NDUFAF5: variants seen among roughly 807,000 people sequenced by gnomAD.
NDUFAF5 encodes the protein arginine-hydroxylase NDUFAF5, mitochondrial.
Under a neutral mutation model 48.9 loss-of-function variants are expected in NDUFAF5, and 34 were observed. The observed-to-expected ratio is 0.70, with a 90% CI of 0.53 to 0.93. NDUFAF5 has a LOEUF of 0.93. NDUFAF5 is among the 40% of genes least tolerant of loss of function. The pLI, the probability that NDUFAF5 is intolerant of heterozygous loss-of-function variation, is 0.00. For missense variants in NDUFAF5, 428 were observed against 427.5 expected (o/e 1.00, Z -0.01); for synonymous variants, 153 against 150.6 (o/e 1.02, Z -0.12).
chr20:13,802,761 G>A (rs576632354), intron 7 of NDUFAF5, among the ~76,000 whole-genome samples: 2 of 151,384 alleles, frequency 1.3e-5, no homozygotes, highest in Non-Finnish European at 2.9e-5. Context: ...TAGATGCTCA[G>A]CTTACATTAG....
At chr20:13,803,009 A>G (rs1201428254) in intron 7 of NDUFAF5, 1 of 152,218 alleles carries the variant, frequency 6.6e-6, no homozygotes, top group Non-Finnish European at 1.5e-5. Context: ...GAATTTCTTG[A>G]TGAAGAAAGC....
rs1316791653 is a variant in NDUFAF5, at chr20:13,785,085, G to A, written c.17G>A (p.Gly6Glu). ...CAGCTGGAGATGCTGCGGCCGGCAG[G>A]GCTCTGGCGCTTATGTCGGCGACCT... The part of the protein sequence containing the change: MLRPA[G>E]LWRLCRRPWA... The change falls in exon 1 of 11, where the codon GGG becomes GAG. Residue 6 changes from glycine to glutamate, a missense_variant. Transcript: ENST00000378106. The A allele has an allele frequency of 2.5e-6, 4 of 1,612,272 alleles. No homozygotes were observed. The highest frequency in any genetic ancestry group is 1.1e-5 in the South Asian group (1 of 91,000).
At chr20:13,806,412 G>A (rs1985012641) in intron 7 of NDUFAF5, among the ~76,000 whole-genome samples, 1 of 152,168 alleles carries the variant, frequency 6.6e-6, no homozygotes, top group Admixed American at 6.5e-5. Flanking sequence ...GGGAGGCTGA[G>A]GCAGTAGAAT....
At chr20:13,813,728 G>A (rs942704419) in intron 8 of NDUFAF5, among the ~76,000 whole-genome samples, 4 of 152,142 alleles carry the variant, frequency 2.6e-5, no homozygotes, top group Non-Finnish European at 5.9e-5. Context: ...GAGTTTGCCC[G>A]GAGAATGAAA....
rs778855422 is a variant in NDUFAF5 at position 13,820,872 on chromosome 20, A to G, written c.*3662A>G. 2.6e-5 allele frequency: 4 copies of G among 152,214 alleles called. No individual in the cohort carries two copies. Among genetic ancestry groups the G allele is most frequent in the Non-Finnish European group, 5.9e-5 (4 of 68,032 alleles). The allele number at this position is 152,214 out of a possible 1,614,324, so 9.4% of individuals were successfully genotyped here. On this transcript the variant is annotated 3_prime_UTR_variant, in exon 11 of 11. Transcript: ENST00000378106. ...TTATTCTGTTCCTTTGTAAGTTACC[A>G]TTAGCCTCTCTTGCTTAAGAAATAT...
chr20:13,801,779 A>G (rs946705555), intron 7 of NDUFAF5, 96 bp downstream of exon 7: 3 of 1,054,664 alleles, frequency 2.8e-6, no homozygotes, highest in African/African-American at 1.6e-5. Flanking sequence ...TCATGGTTTC[A>G]TGGCACTCTT....
intron 4 of NDUFAF5, 63 bp downstream of exon 4, chr20:13,793,290 C>A (rs1342139089): frequency 4.0e-5 from 54 of 1,347,594 alleles, no homozygotes; most frequent in Middle Eastern, 3.6e-4. Context: ...TATTTTATTT[C>A]TTTATTTTTA....
At chr20:13,812,669 C>T (rs1182845901) in intron 8 of NDUFAF5, among the ~76,000 whole-genome samples, 1 of 152,042 alleles carries the variant, frequency 6.6e-6, no homozygotes, top group East Asian at 1.9e-4. Context: ...CTAATTTTAC[C>T]GGTGAGCAAA....
At chr20:13,794,986 T>C (rs1982959265) in intron 5 of NDUFAF5, 45 bp downstream of exon 5, 1 of 1,360,092 alleles carries the variant, frequency 7.4e-7, no homozygotes, top group Non-Finnish European at 1.0e-6. Context: ...AAACAGATCA[T>C]TCTTGCCATA....
At position 13,821,503 on chromosome 20, in the gene NDUFAF5, T is replaced by A. The variant is rs560388170; in HGVS notation, c.*4293T>A. The A allele has an allele frequency of 2.0e-5, 3 of 152,342 alleles. No homozygotes were observed. The South Asian group carries it at 6.2e-4, about 32-fold the overall frequency. 9.4% of individuals were successfully genotyped at this position (152,342 alleles called of 1,614,324 possible). A position where few individuals can be genotyped will look rare whatever the true frequency, so the allele number is the denominator to read the frequency against. ...TTGACCACAACCTCATGAGAGACCC[T>A]GAGCTAGAACCACCTAGCTAAGCCA... On this transcript the variant is annotated 3_prime_UTR_variant, in exon 11 of 11. Transcript: ENST00000378106.
rs917532460 is a variant in NDUFAF5, at chr20:13,820,910, T to G, written c.*3700T>G. ...GCTTAAGAAATATTTTGAGCTTTTT[T>G]GGGGAGGGGTTGTGGTTAATGATGT... On this transcript the variant is annotated 3_prime_UTR_variant, in exon 11 of 11. Coordinates refer to ENST00000378106, the MANE Select transcript of NDUFAF5 (RefSeq NM_024120.5). 18 of 152,222 alleles carry G rather than the reference T, an allele frequency of 1.2e-4. No individual in the cohort carries two copies. Among genetic ancestry groups the G allele is most frequent in the Admixed American group, 4.6e-4 (7 of 15,276 alleles). The allele number at this position is 152,222 out of a possible 1,614,324, so 9.4% of individuals were successfully genotyped here.
intron 5 of NDUFAF5, among the ~76,000 whole-genome samples, chr20:13,796,387 C>T (rs1213249482): frequency 6.6e-6 from 1 of 152,184 alleles, no homozygotes; most frequent in Non-Finnish European, 1.5e-5. Context: ...TATGTTAGCT[C>T]ATCTGCTTGC....
chr20:13,785,881 T>C (rs568900833), intron 1 of NDUFAF5, among the ~76,000 whole-genome samples: 2 of 152,344 alleles, frequency 1.3e-5, no homozygotes, highest in Admixed American at 6.5e-5. Context: ...TTAAAATTTC[T>C]CTCGTTTTTA....
chr20:13,785,998 T>C (rs1360479639), intron 1 of NDUFAF5, among the ~76,000 whole-genome samples: 1 of 152,188 alleles, frequency 6.6e-6, no homozygotes, highest in Non-Finnish European at 1.5e-5. Context: ...TTTTAATCAG[T>C]GGAGTGATCT....
chr20:13,793,982 G>A (rs1600334649), intron 4 of NDUFAF5, among the ~76,000 whole-genome samples: 1 of 152,232 alleles, frequency 6.6e-6, no homozygotes, highest in African/African-American at 2.4e-5. Flanking sequence ...CCTGCACCTT[G>A]TCCTCTTTAG....
rs549026911 is a variant in NDUFAF5, at chr20:13,817,597, T to C, written c.*387T>C. On this transcript the variant is annotated 3_prime_UTR_variant, in exon 11 of 11. Coordinates refer to ENST00000378106, the MANE Select transcript of NDUFAF5 (RefSeq NM_024120.5). ...TGAATATGCACCTTCTCCAGAGTTA[T>C]GTGGTTTTAGAATTTAGAAGAGCAT... 8.7e-6 allele frequency: 4 copies of C among 457,252 alleles called. No homozygotes were observed. Among genetic ancestry groups the C allele is most frequent in the African/African-American group, 2.0e-5 (1 of 50,294 alleles). 28.3% of individuals were successfully genotyped at this position (457,252 alleles called of 1,614,324 possible). A position where few individuals can be genotyped will look rare whatever the true frequency, so the allele number is the denominator to read the frequency against.
At position 13,818,353 on chromosome 20, in the gene NDUFAF5, C is replaced by T. The variant is rs781363573; in HGVS notation, c.*1143C>T. The stretch of plus-strand genomic sequence containing the variant: ...TGTTCCCTTCAGTTTGAAAAATCAT[C>T]GATATTTGAAACTGGGATACGCTTG... On this transcript the variant is annotated 3_prime_UTR_variant, in exon 11 of 11. Coordinates refer to ENST00000378106, the MANE Select transcript of NDUFAF5 (RefSeq NM_024120.5). The T allele has an allele frequency of 1.6e-5, 6 of 385,158 alleles. No homozygotes were observed. The highest frequency in any genetic ancestry group is 2.1e-5 in the African/African-American group (1 of 47,582). The allele number at this position is 385,158 out of a possible 1,614,324, so 23.9% of individuals were successfully genotyped here. A position where few individuals can be genotyped will look rare whatever the true frequency, so the allele number is the denominator to read the frequency against.
chr20:13,816,598 C>A, intron 9 of NDUFAF5, 52 bp downstream of exon 9: 2 of 1,401,450 alleles, frequency 1.4e-6, no homozygotes, highest in Non-Finnish European at 2.0e-6. Flanking sequence ...TGTGCTGTAT[C>A]ATGTTGATTC....
intron 3 of NDUFAF5, among the ~76,000 whole-genome samples, chr20:13,791,958 T>C (rs1159851732): frequency 1.3e-5 from 2 of 152,210 alleles, no homozygotes; most frequent in African/African-American, 4.8e-5. Context: ...TGACATCATA[T>C]TGATAGCTTG....
Sources: allele counts gnomAD v4.1 joint callset (sites outside exome capture counted in the v4.1 genomes callset), GRCh38; gene constraint gnomAD v4.1.1; transcripts MANE v1.5; gene names NCBI Gene and HGNC (gene_info 2026-07-23, HGNC 2026-07-21).